The following SPIRE1 variants were observed in gnomAD, a reference collection of about 807,000 sequenced individuals.
SPIRE1 encodes the protein protein spire homolog 1.
SPIRE1 carries 40 observed loss-of-function variants against 94.1 expected under a neutral mutation model. The observed-to-expected ratio is 0.43, with a 90% CI of 0.33 to 0.55. SPIRE1 has a LOEUF of 0.55. SPIRE1 is among the 20% of genes least tolerant of loss of function. The pLI is 0.06. For missense variants in SPIRE1, 838 were observed against 975.2 expected, an observed-to-expected ratio of 0.86 and a Z score of 1.87; for synonymous variants, 376 against 371.7, an observed-to-expected ratio of 1.01 and a Z score of -0.13.
Position 12,454,556 on chromosome 18 carries a change from T to G in SPIRE1, c.1639-73A>C. On this transcript the variant is annotated intron_variant, in intron 12 of 16. Coordinates refer to ENST00000409402, the MANE Select transcript of SPIRE1 (RefSeq NM_001128626.2). The stretch of plus-strand genomic sequence containing the variant: ...TGGAAGTGCAAAATTTCCCTTCAGA[T>G]CAGACCCCTGATTAGTAGCTTCAGA... 3 of 1,404,828 alleles carry G rather than the reference T, an allele frequency of 2.1e-6. No individual in the cohort carries two copies. In the South Asian group the frequency reaches 3.5e-5, roughly 16 times the overall value. 87.0% of individuals were successfully genotyped at this position (1,404,828 alleles called of 1,614,324 possible).
chr18:12,495,029 G>A (rs1307878095), intron 7 of SPIRE1, among the ~76,000 whole-genome samples: 53 of 124,372 alleles, frequency 4.3e-4, no homozygotes, highest in African/African-American at 1.5e-3. Flanking sequence ...CAGCCTGGGC[G>A]ACAAAGTGAG....
At chr18:12,610,211 T>C (rs1475976802) in intron 2 of SPIRE1, among the ~76,000 whole-genome samples, 1 of 152,158 alleles carries the variant, frequency 6.6e-6, no homozygotes, top group Non-Finnish European at 1.5e-5. Context: ...TCTCAATTCT[T>C]GGTGATTTTA....
intron 2 of SPIRE1, among the ~76,000 whole-genome samples, chr18:12,622,771 T>C (rs1235580029): frequency 3.3e-5 from 5 of 152,182 alleles, no homozygotes; most frequent in Non-Finnish European, 7.3e-5. Context: ...GGCACCACCT[T>C]GTCTTTCCTA....
Position 12,620,176 on chromosome 18 carries a change from A to C in SPIRE1, c.372+14886T>G, listed in dbSNP as rs536006645. Among the ~76,000 whole-genome samples, 15 of 152,206 alleles carry C rather than the reference A, an allele frequency of 9.9e-5. No homozygotes were observed. In the East Asian group the frequency reaches 1.2e-3, roughly 12 times the overall value. The stretch of plus-strand genomic sequence containing the variant: ...AAGGGGGGAATTCCCCTTTTTTTGG[A>C]GTCAACGAAGACCTAAATAAATGGG... On this transcript the variant is annotated intron_variant, in intron 2 of 16. Transcript: ENST00000409402.
intron 1 of SPIRE1, among the ~76,000 whole-genome samples, chr18:12,643,461 C>T (rs35506854): frequency 0.23 from 35,290 of 152,202 alleles, 4,969 homozygotes; most frequent in Non-Finnish European, 0.32. Context: ...TTCATACACA[C>T]ATCTGTGTCC....
intron 2 of SPIRE1, among the ~76,000 whole-genome samples, chr18:12,591,099 C>T (rs2036522092): frequency 6.6e-6 from 1 of 152,110 alleles, no homozygotes; most frequent in South Asian, 2.1e-4. Context: ...ACATCAAATG[C>T]AGAGGTGGCT....
intron 2 of SPIRE1, among the ~76,000 whole-genome samples, chr18:12,548,050 C>T (rs919699101): frequency 6.6e-6 from 1 of 152,126 alleles, no homozygotes; most frequent in Non-Finnish European, 1.5e-5. Context: ...TTTTCTCATC[C>T]GTTAAATGGG....
intron 11 of SPIRE1, among the ~76,000 whole-genome samples, chr18:12,464,047 T>G (rs1019308400): frequency 6.6e-6 from 1 of 152,198 alleles, no homozygotes; most frequent in African/African-American, 2.4e-5. Flanking sequence ...AGAGTTTTAT[T>G]TAGTGCTTCC....
intron 4 of SPIRE1, among the ~76,000 whole-genome samples, chr18:12,518,538 C>T (rs990135111): frequency 1.3e-5 from 2 of 151,422 alleles, no homozygotes; most frequent in Non-Finnish European, 2.9e-5. Flanking sequence ...CAAATTACTG[C>T]CAGGCACAGT....
At chr18:12,506,675 A>G (rs2033847275) in intron 5 of SPIRE1, 34 bp from the exon 6 acceptor site, 2 of 1,599,204 alleles carry the variant, frequency 1.3e-6, no homozygotes, top group Middle Eastern at 1.7e-4. Flanking sequence ...ACATCAATGA[A>G]TAAATGTACT....
At chr18:12,608,969 G>T (rs921577095) in intron 2 of SPIRE1, among the ~76,000 whole-genome samples, 1 of 152,194 alleles carries the variant, frequency 6.6e-6, no homozygotes, top group African/African-American at 2.4e-5. Context: ...TTCCACAAAT[G>T]GGGGTGGGGT....
chr18:12,493,041 C>G, intron 8 of SPIRE1, 31 bp downstream of exon 8: 1 of 1,589,940 alleles, frequency 6.3e-7, no homozygotes, highest in Non-Finnish European at 8.5e-7. Context: ...GGGGATGACT[C>G]TAGACTGAGT....
intron 2 of SPIRE1, among the ~76,000 whole-genome samples, chr18:12,600,538 C>G (rs1258055440): frequency 6.6e-6 from 1 of 151,818 alleles, no homozygotes; most frequent in Non-Finnish European, 1.5e-5. Context: ...TGATTTTTAC[C>G]TAAGTCAGCT....
intron 1 of SPIRE1, among the ~76,000 whole-genome samples, chr18:12,640,711 G>A (rs1728259685): frequency 6.6e-6 from 1 of 152,196 alleles, no homozygotes; most frequent in Non-Finnish European, 1.5e-5. Context: ...CCAACTGCAG[G>A]GCGGGAAGAA....
intron 2 of SPIRE1, among the ~76,000 whole-genome samples, chr18:12,586,661 T>C (rs542756192): frequency 2.0e-5 from 3 of 152,338 alleles, no homozygotes; most frequent in Admixed American, 1.3e-4. Context: ...TTTATGGATG[T>C]GTATGCTTAT....
intron 4 of SPIRE1, among the ~76,000 whole-genome samples, chr18:12,529,834 T>C (rs2034634789): frequency 6.6e-6 from 1 of 152,248 alleles, no homozygotes; most frequent in Non-Finnish European, 1.5e-5. Flanking sequence ...ACATGCCTTA[T>C]AAAGTTCTTG....
intron 1 of SPIRE1, among the ~76,000 whole-genome samples, chr18:12,637,025 G>A (rs2037948059): frequency 6.6e-6 from 1 of 152,162 alleles, no homozygotes; most frequent in South Asian, 2.1e-4. Flanking sequence ...AGGAAGAGAG[G>A]AGCACTCAGG....
intron 2 of SPIRE1, among the ~76,000 whole-genome samples, chr18:12,575,203 A>G (rs2036061767): frequency 6.6e-6 from 1 of 152,178 alleles, no homozygotes; most frequent in African/African-American, 2.4e-5. Flanking sequence ...GATCAAAGTT[A>G]CTGACAGTGA....
chr18:12,642,106 C>T (rs1210386253), intron 1 of SPIRE1, among the ~76,000 whole-genome samples: 2 of 151,998 alleles, frequency 1.3e-5, no homozygotes, highest in Non-Finnish European at 2.9e-5. Context: ...GGATTTGATA[C>T]AAAAAACAGT....
Sources: gnomAD v4.1 joint callset for allele counts (sites outside exome capture counted in the v4.1 genomes callset) on GRCh38, gnomAD v4.1.1 for gene constraint, MANE v1.5 for transcripts, NCBI Gene and HGNC (gene_info 2026-07-23, HGNC 2026-07-21) for gene names.